TSPAN12: variants seen among roughly 807,000 people sequenced by gnomAD.
The protein encoded by TSPAN12 is tetraspanin 12, also known as tetraspanin-12.
TSPAN12 carries 19 observed loss-of-function variants against 39.2 expected under a neutral mutation model. The observed-to-expected ratio is 0.49, with a 90% CI of 0.34 to 0.71. The LOEUF (loss-of-function observed/expected upper bound fraction) is 0.71, where lower values mean the gene tolerates loss of function less well. Ranked by LOEUF, TSPAN12 falls within the 30% of genes least tolerant of loss-of-function variation. TSPAN12 has a pLI of 0.01. For missense variants in TSPAN12, 314 were observed against 359.9 expected, an observed-to-expected ratio of 0.87 and a Z score of 1.03; for synonymous variants, 119 against 124.8, an observed-to-expected ratio of 0.95 and a Z score of 0.31.
chr7:120,842,319 T>C (rs963548806), intron 2 of TSPAN12, among the ~76,000 whole-genome samples: 1 of 152,014 alleles, frequency 6.6e-6, no homozygotes, highest in Non-Finnish European at 1.5e-5. Context: ...TACCCAACAA[T>C]TACTATGTGC....
chr7:120,804,398 CCAAAA>C (rs1378190916), intron 7 of TSPAN12, among the ~76,000 whole-genome samples: 1 of 152,028 alleles, frequency 6.6e-6, no homozygotes, highest in Admixed American at 6.6e-5. Context: ...CAGCTTTCAC[CCAAAA>C]CAAAAGAACT....
At chr7:120,801,205 T>G (rs74729472) in intron 7 of TSPAN12, among the ~76,000 whole-genome samples, 47 of 152,266 alleles carry the variant, frequency 3.1e-4, no homozygotes, top group African/African-American at 1.1e-3. Flanking sequence ...CTGTGAGCAC[T>G]GGTAACCCAT....
chr7:120,800,357 T>A, intron 7 of TSPAN12, among the ~76,000 whole-genome samples: 1 of 152,130 alleles, frequency 6.6e-6, no homozygotes, highest in Middle Eastern at 3.2e-3. Flanking sequence ...GGACTTGGTG[T>A]TTGTCTCTGC....
At chr7:120,824,838 G>T (rs755416605) in intron 4 of TSPAN12, among the ~76,000 whole-genome samples, 2 of 152,130 alleles carry the variant, frequency 1.3e-5, no homozygotes, top group Non-Finnish European at 2.9e-5. Flanking sequence ...TTTATTGAGT[G>T]CCTATATTTT....
At chr7:120,803,595 T>C (rs989663619) in intron 7 of TSPAN12, among the ~76,000 whole-genome samples, 1 of 152,206 alleles carries the variant, frequency 6.6e-6, no homozygotes, top group African/African-American at 2.4e-5. Context: ...CAGCATATGT[T>C]ATTAGTTGTA....
In TSPAN12 at chr7:120,788,398, C is replaced by G. The variant is rs1158065311; in HGVS notation, c.*194G>C. ...TCTGTCTTCAGCATTTTAAGGGCATCAATTATTGTCCAGGTGGTGACTTAT... is the reference window on the plus strand; with the variant it reads ...TCTGTCTTCAGCATTTTAAGGGCATGAATTATTGTCCAGGTGGTGACTTAT... On this transcript the variant is annotated 3_prime_UTR_variant, in exon 8 of 8. Coordinates refer to ENST00000222747, the MANE Select transcript of TSPAN12 (RefSeq NM_012338.4). The G allele has an allele frequency of 1.6e-6, 1 of 645,088 alleles. No homozygotes were observed. The highest frequency in any genetic ancestry group is 2.6e-6 in the Non-Finnish European group (1 of 379,212). 40.0% of individuals were successfully genotyped at this position (645,088 alleles called of 1,614,324 possible). A position where few individuals can be genotyped will look rare whatever the true frequency, so the allele number is the denominator to read the frequency against.
chr7:120,814,997 T>G (rs1290550436), intron 5 of TSPAN12, among the ~76,000 whole-genome samples: 1 of 152,202 alleles, frequency 6.6e-6, no homozygotes, highest in Non-Finnish European at 1.5e-5. Context: ...TTTATGTAGG[T>G]GTTCAAGAAT....
chr7:120,848,833 G>C (rs1794720408), intron 2 of TSPAN12, among the ~76,000 whole-genome samples: 1 of 152,116 alleles, frequency 6.6e-6, no homozygotes, highest in South Asian at 2.1e-4. Flanking sequence ...TTACTCACTG[G>C]GCTTGAGAAA....
chr7:120,840,922 T>C (rs987270631), intron 2 of TSPAN12, among the ~76,000 whole-genome samples: 1 of 152,232 alleles, frequency 6.6e-6, no homozygotes, highest in Admixed American at 6.5e-5. Flanking sequence ...TATCAGGTCA[T>C]TGGTTCTCAA....
At chr7:120,835,317 G>A (rs926693071) in intron 4 of TSPAN12, among the ~76,000 whole-genome samples, 4 of 152,180 alleles carry the variant, frequency 2.6e-5, no homozygotes, top group African/African-American at 9.7e-5. Context: ...CGAATGACTT[G>A]TGGCATATTA....
intron 4 of TSPAN12, among the ~76,000 whole-genome samples, chr7:120,837,472 C>T (rs1438222112): frequency 6.6e-6 from 1 of 151,958 alleles, no homozygotes; most frequent in African/African-American, 2.4e-5. Flanking sequence ...CCAACATGCC[C>T]GGCTAATTTT....
At chr7:120,843,084 CAAAG>C (rs957079233) in intron 2 of TSPAN12, among the ~76,000 whole-genome samples, 107 of 152,046 alleles carry the variant, frequency 7.0e-4, no homozygotes, top group African/African-American at 2.5e-3. Flanking sequence ...ATAAGACTGT[CAAAG>C]GAGTCAATGG....
intron 7 of TSPAN12, 22 bp from the exon 8 acceptor site, chr7:120,788,919 A>C: frequency 6.2e-7 from 1 of 1,613,068 alleles, no homozygotes; most frequent in Non-Finnish European, 8.5e-7. Flanking sequence ...ATACATGGTC[A>C]ACATTACTTT....
chr7:120,847,422 G>A (rs1447584333), intron 2 of TSPAN12, among the ~76,000 whole-genome samples: 2 of 152,132 alleles, frequency 1.3e-5, no homozygotes, highest in African/African-American at 2.4e-5. Flanking sequence ...GACAAGAAAG[G>A]AAACTCTGGG....
At chr7:120,840,789 G>C (rs987374156) in intron 2 of TSPAN12, among the ~76,000 whole-genome samples, 1 of 152,166 alleles carries the variant, frequency 6.6e-6, no homozygotes, top group African/African-American at 2.4e-5. Flanking sequence ...CAAAGGACTT[G>C]ATTAAACTTT....
chr7:120,812,278 C>A (rs1793997208), intron 5 of TSPAN12, among the ~76,000 whole-genome samples: 1 of 152,056 alleles, frequency 6.6e-6, no homozygotes, highest in Non-Finnish European at 1.5e-5. Context: ...ACTGCAGGGC[C>A]ATGAGAAATT....
intron 4 of TSPAN12, 49 bp from the exon 5 acceptor site, chr7:120,815,852 G>A: frequency 4.6e-6 from 7 of 1,513,834 alleles, no homozygotes; most frequent in Admixed American, 3.6e-5. Flanking sequence ...AATAAAATAG[G>A]CTCCTCAAAG....
At chr7:120,826,199 G>A (rs980669237) in intron 4 of TSPAN12, among the ~76,000 whole-genome samples, 2 of 152,120 alleles carry the variant, frequency 1.3e-5, no homozygotes, top group African/African-American at 4.8e-5. Context: ...TATTAAAGAT[G>A]TTGGTGAAAT....
intron 7 of TSPAN12, among the ~76,000 whole-genome samples, chr7:120,797,195 C>T (rs1195218009): frequency 6.6e-6 from 1 of 152,170 alleles, no homozygotes; most frequent in Non-Finnish European, 1.5e-5. Context: ...ACCACATTTC[C>T]CAGCCTCCCT....
Sources: allele counts gnomAD v4.1 joint callset (sites outside exome capture counted in the v4.1 genomes callset), GRCh38; gene constraint gnomAD v4.1.1; transcripts MANE v1.5; gene names NCBI Gene and HGNC (gene_info 2026-07-23, HGNC 2026-07-21).